Variants in FRAS1 observed in about 807,000 individuals in gnomAD.
FRAS1 encodes the protein Fraser extracellular matrix complex subunit 1, also known as extracellular matrix organizing protein FRAS1.
FRAS1 carries 290 observed loss-of-function variants against 435.2 expected under a neutral mutation model. The observed-to-expected ratio is 0.67, with a 90% CI of 0.61 to 0.73. FRAS1 has a LOEUF of 0.73. FRAS1 is among the 30% of genes least tolerant of loss of function. The pLI, the probability that FRAS1 is intolerant of heterozygous loss-of-function variation, is 0.00. For synonymous variants in FRAS1, 1,800 were observed against 1,851.0 expected (o/e 0.97, Z 0.71); for missense variants, 4,860 against 5,001.5 (o/e 0.97, Z 0.85).
In FRAS1 at chr4:78,542,559, G is replaced by A. The variant is rs1194236127; in HGVS notation, c.*1435G>A. 6.6e-6 allele frequency: 1 copy of A among 152,640 alleles called. No homozygotes were observed. The highest frequency in any genetic ancestry group is 1.5e-5 in the Non-Finnish European group (1 of 68,022). The allele number at this position is 152,640 out of a possible 1,614,324, so 9.5% of individuals were successfully genotyped here. ...CCTTCACATTGTGTAATATTTGTATGAGAATGACTCAAGCTCTTTGAGAAC... is the reference window on the plus strand; with the variant it reads ...CCTTCACATTGTGTAATATTTGTATAAGAATGACTCAAGCTCTTTGAGAAC... On this transcript the variant is annotated 3_prime_UTR_variant, in exon 74 of 74. Transcript: ENST00000512123.
intron 34 of FRAS1, 151 bp from the exon 35 acceptor site, chr4:78,424,237 G>A (rs753290476): frequency 1.4e-5 from 6 of 432,346 alleles, no homozygotes; most frequent in South Asian, 7.8e-5. Flanking sequence ...CATAACATTA[G>A]CAAATGACCT....
chr4:78,481,663 G>A (rs910884246), intron 56 of FRAS1, 141 bp from the exon 57 acceptor site: 2 of 852,510 alleles, frequency 2.3e-6, no homozygotes, highest in African/African-American at 3.3e-5. Context: ...TGGGCCATAG[G>A]AGCATCACTG....
At chr4:78,166,778 T>C (rs1250167777) in intron 2 of FRAS1, among the ~76,000 whole-genome samples, 3 of 152,152 alleles carry the variant, frequency 2.0e-5, no homozygotes, top group Non-Finnish European at 2.9e-5. Context: ...TTTGACCAAG[T>C]TCCCTCTAAT....
At chr4:78,272,393 A>G (rs537534664) in intron 9 of FRAS1, among the ~76,000 whole-genome samples, 67 of 152,266 alleles carry the variant, frequency 4.4e-4, no homozygotes, top group Middle Eastern at 6.8e-3. Flanking sequence ...GCCCATGCCT[A>G]TGTCCTGAAT....
Position 78,519,877 on chromosome 4 carries a change from T to A in FRAS1, c.10540+396T>A, listed in dbSNP as rs71611023. On this transcript the variant is annotated intron_variant, in intron 67 of 73. Transcript: ENST00000512123. Reference sequence around the variant, plus strand: ...AATCAGATGCAAGGAAATGGAAAAATGTGTCAAGAGCACTTGAAATATTTA... The same window carrying A: ...AATCAGATGCAAGGAAATGGAAAAAAGTGTCAAGAGCACTTGAAATATTTA... Among the ~76,000 whole-genome samples the A allele has an allele frequency of 6.6e-3, 1,004 of 152,308 alleles. 10 individuals carry two copies. The highest frequency in any genetic ancestry group is 0.011 in the Non-Finnish European group (728 of 68,026).
chr4:78,323,622 C>T (rs1440305617), intron 18 of FRAS1, among the ~76,000 whole-genome samples: 1 of 152,138 alleles, frequency 6.6e-6, no homozygotes, highest in African/African-American at 2.4e-5. Flanking sequence ...CTGCACACCC[C>T]CAAGGGCGCT....
chr4:78,092,399 C>A (rs916667601), intron 2 of FRAS1, among the ~76,000 whole-genome samples: 5 of 152,120 alleles, frequency 3.3e-5, no homozygotes, highest in Admixed American at 2.6e-4. Flanking sequence ...GGAGGCCTCA[C>A]AATCGTGGTG....
At position 78,332,721 on chromosome 4, in the gene FRAS1, A is replaced by G. The variant is rs76316887; in HGVS notation, c.2138-551A>G. Among the ~76,000 whole-genome samples, 4 of 126,296 alleles carry G rather than the reference A, an allele frequency of 3.2e-5. No individual in the cohort carries two copies. In the East Asian group the frequency reaches 8.7e-4, roughly 28 times the overall value. The allele number at this position is 126,296 out of a possible 152,430, so 82.9% of individuals were successfully genotyped here. ...CTTATTCTCTGTGCTATACTCTTTCATTCATTCTATTTCAGTAGCTTGCTT... is the reference window on the plus strand; with the variant it reads ...CTTATTCTCTGTGCTATACTCTTTCGTTCATTCTATTTCAGTAGCTTGCTT... On this transcript the variant is annotated intron_variant, in intron 18 of 73. Coordinates refer to ENST00000512123, the MANE Select transcript of FRAS1 (RefSeq NM_025074.7).
At chr4:78,303,571 G>A (rs886278736) in intron 14 of FRAS1, among the ~76,000 whole-genome samples, 130 of 152,102 alleles carry the variant, frequency 8.5e-4, no homozygotes, top group Middle Eastern at 6.8e-3. Flanking sequence ...GGTCCTTCAC[G>A]TCCCTTGTAA....
chr4:78,171,865 C>T (rs950568105), intron 2 of FRAS1, among the ~76,000 whole-genome samples: 4 of 152,074 alleles, frequency 2.6e-5, no homozygotes, highest in Non-Finnish European at 4.4e-5. Flanking sequence ...CTCGTTGACC[C>T]GGCCCTTAAG....
chr4:78,530,820 G>A (rs188622498), intron 70 of FRAS1, among the ~76,000 whole-genome samples: 31 of 152,202 alleles, frequency 2.0e-4, no homozygotes, highest in Admixed American at 1.4e-3. Context: ...TTGGGTATAC[G>A]GGTTCTTTTA....
intron 61 of FRAS1, among the ~76,000 whole-genome samples, chr4:78,502,067 A>G (rs756822951): frequency 1.3e-5 from 2 of 152,168 alleles, no homozygotes; most frequent in Non-Finnish European, 1.5e-5. Context: ...GTTCCGTTCC[A>G]TGGGTCTACA....
intron 20 of FRAS1, among the ~76,000 whole-genome samples, chr4:78,359,658 C>CT (rs1730999003): frequency 6.6e-6 from 1 of 152,076 alleles, no homozygotes; most frequent in Non-Finnish European, 1.5e-5. Context: ...TTCAGCATGA[C>CT]TTTTTAAACC....
At chr4:78,489,192 G>A in intron 59 of FRAS1, 112 bp downstream of exon 59, 2 of 987,528 alleles carry the variant, frequency 2.0e-6, no homozygotes, top group Non-Finnish European at 1.5e-6. Flanking sequence ...TATACTACAG[G>A]TGACCCTTGA....
chr4:78,153,617 GTCC>G (rs1207560087), intron 2 of FRAS1, among the ~76,000 whole-genome samples: 1 of 152,100 alleles, frequency 6.6e-6, no homozygotes, highest in Non-Finnish European at 1.5e-5. Context: ...TCATAAGGCT[GTCC>G]TCCTCCTCAT....
intron 1 of FRAS1, among the ~76,000 whole-genome samples, chr4:78,063,855 TAA>T (rs1739870290): frequency 6.6e-6 from 1 of 152,298 alleles, no homozygotes; most frequent in East Asian, 1.9e-4. Flanking sequence ...TTCTAAAAGT[TAA>T]GTTTTGTTTA....
In FRAS1 at chr4:78,063,134, A is replaced by G. The variant is rs1348008471; in HGVS notation, c.77-2851A>G. ...TTGTACTCCTGAAGAAAAAAAAATA[A>G]TGAGTCGAGAGATGAATTTTGTTTT... On this transcript the variant is annotated intron_variant, in intron 1 of 73. Coordinates refer to ENST00000512123, the MANE Select transcript of FRAS1 (RefSeq NM_025074.7). 3.3e-5 allele frequency among the ~76,000 whole-genome samples: 5 copies of G among 152,210 alleles called. No homozygotes were observed. In the East Asian group the frequency reaches 7.7e-4, roughly 23 times the overall value.
chr4:78,266,217 C>T (rs899069601), intron 7 of FRAS1, among the ~76,000 whole-genome samples: 9 of 152,202 alleles, frequency 5.9e-5, no homozygotes, highest in Middle Eastern at 3.2e-3. Context: ...ATCTTTCCAC[C>T]TGCCACCCTT....
At chr4:78,314,709 G>A (rs1729164740) in intron 15 of FRAS1, among the ~76,000 whole-genome samples, 1 of 152,158 alleles carries the variant, frequency 6.6e-6, no homozygotes, top group African/African-American at 2.4e-5. Context: ...GGGCAGCCTA[G>A]TCTCCTCCCA....
Sources: allele counts gnomAD v4.1 joint callset (sites outside exome capture counted in the v4.1 genomes callset), GRCh38; gene constraint gnomAD v4.1.1; transcripts MANE v1.5; gene names NCBI Gene and HGNC (gene_info 2026-07-23, HGNC 2026-07-21).